The following DIP2C variants were observed in gnomAD, a reference collection of about 807,000 sequenced individuals.
The protein encoded by DIP2C is disco-interacting protein 2 homolog C.
A neutral mutation model predicts 192.4 loss-of-function variants in DIP2C; 33 were observed. The observed-to-expected ratio is 0.17, with a 90% CI of 0.13 to 0.23. The LOEUF is 0.23. Among genes scored for constraint, DIP2C ranks in the 10% least tolerant of loss-of-function variants. The pLI is 1.00. For synonymous variants in DIP2C, 979 were observed against 864.1 expected (o/e 1.13, Z -2.33); for missense variants, 1,537 against 2,110.1 (o/e 0.73, Z 5.32).
rs1959813507 is a variant in DIP2C at position 363,642 on chromosome 10, T to C, written c.2478-331A>G. On this transcript the variant is annotated intron_variant, in intron 20 of 36. Transcript: ENST00000280886. The surrounding 1 kb of genome is among the most constrained non-coding windows in gnomAD (Gnocchi z 5.4). ...GCTGAAATTTAGGGAGTCACACCCT[T>C]CACAGCTCGAGTTTGCACCCGTGAA... Among the ~76,000 whole-genome samples the C allele has an allele frequency of 6.6e-6, 1 of 152,204 alleles. No individual in the cohort carries two copies. The highest frequency in any genetic ancestry group is 2.4e-5 in the African/African-American group (1 of 41,450).
At position 371,489 on chromosome 10, in the gene DIP2C, C is replaced by G. The variant is rs117702703; in HGVS notation, c.1992-1856G>C. 5.2e-3 allele frequency among the ~76,000 whole-genome samples: 786 copies of G among 152,332 alleles called. 3 individuals are homozygous for G. Among genetic ancestry groups the G allele is most frequent in the Middle Eastern group, 0.014 (4 of 294 alleles). ...TTAGAATGGACCCTAAATCCAATTA[C>G]TCTGTCCTTGTAAGAGAAAAGAGAG... On this transcript the variant is annotated intron_variant, in intron 17 of 36. Coordinates refer to ENST00000280886, the MANE Select transcript of DIP2C (RefSeq NM_014974.3).
At chr10:280,626 T>C (rs967139136) in intron 36 of DIP2C, among the ~76,000 whole-genome samples, 6 of 152,218 alleles carry the variant, frequency 3.9e-5, no homozygotes, top group Middle Eastern at 3.2e-3. Context: ...ACAGATTAAA[T>C]GGGCCAGAGA....
At chr10:348,240 GA>G (rs1490826582) in intron 26 of DIP2C, among the ~76,000 whole-genome samples, 1 of 152,238 alleles carries the variant, frequency 6.6e-6, no homozygotes, top group Non-Finnish European at 1.5e-5. Context: ...GTAGACGAAG[GA>G]AAACAGATCT....
At chr10:379,237 C>G (rs565252781) in intron 17 of DIP2C, among the ~76,000 whole-genome samples, 1 of 142,416 alleles carries the variant, frequency 7.0e-6, no homozygotes, top group Non-Finnish European at 1.5e-5. Context: ...GGCTTCTGTA[C>G]GCCCTGCCCC....
chr10:437,488 G>A (rs758416901), intron 4 of DIP2C: 2 of 152,526 alleles, frequency 1.3e-5, no homozygotes, highest in Middle Eastern at 3.4e-3. Context: ...TGAGCTCTCT[G>A]AGCCACGGTC....
chr10:673,964 C>G (rs987554756), intron 1 of DIP2C, among the ~76,000 whole-genome samples: 32 of 152,254 alleles, frequency 2.1e-4, no homozygotes, highest in African/African-American at 7.2e-4. Context: ...TTCTAAAATC[C>G]CAACAGGGAC....
chr10:578,652 A>G (rs1054146875), intron 1 of DIP2C, among the ~76,000 whole-genome samples: 8 of 152,198 alleles, frequency 5.3e-5, no homozygotes, highest in Non-Finnish European at 1.0e-4. Context: ...GTGTTCCGGG[A>G]TCCCTGCAGG....
In DIP2C at chr10:277,192, CTCCTCT is replaced by C; in HGVS notation, c.*127_*132del. On this transcript the variant is annotated 3_prime_UTR_variant, in exon 37 of 37. Coordinates refer to ENST00000280886, the MANE Select transcript of DIP2C (RefSeq NM_014974.3). ...GCTGCTGTGAGAAGTCCTCTTCCTC[CTCCTCT>C]TCCTCCTCCACTCTCACCACAAATG... is the stretch of plus-strand genomic sequence containing the variant. 7.3e-7 allele frequency: 1 copy of C among 1,364,850 alleles called. No individual in the cohort carries two copies. Among genetic ancestry groups the C allele is most frequent in the Non-Finnish European group, 9.9e-7 (1 of 1,008,354 alleles). 84.5% of individuals were successfully genotyped at this position (1,364,850 alleles called of 1,614,324 possible).
chr10:517,594 G>A (rs1212147635), intron 1 of DIP2C, among the ~76,000 whole-genome samples: 1 of 152,204 alleles, frequency 6.6e-6, no homozygotes. Flanking sequence ...AATGTCAGAA[G>A]AAAAGAAGGC....
chr10:469,452 G>A (rs1195260794), intron 3 of DIP2C, among the ~76,000 whole-genome samples: 1 of 151,886 alleles, frequency 6.6e-6, no homozygotes, highest in African/African-American at 2.4e-5. Context: ...GAATAGCTGG[G>A]ATTACAGGCA....
chr10:436,379 G>C (rs575179672), intron 4 of DIP2C, among the ~76,000 whole-genome samples: 6 of 152,356 alleles, frequency 3.9e-5, no homozygotes, highest in Non-Finnish European at 8.8e-5. Flanking sequence ...CCATGGGCAG[G>C]CTTGGATTGA....
chr10:400,571 A>G (rs547817199), intron 9 of DIP2C, among the ~76,000 whole-genome samples: 20 of 152,136 alleles, frequency 1.3e-4, no homozygotes, highest in Middle Eastern at 6.8e-3. Flanking sequence ...TGGTAGCATT[A>G]GCATTACTCT....
At position 422,845 on chromosome 10, in the gene DIP2C, C is replaced by T. The variant is rs888425993; in HGVS notation, c.583G>A (p.Val195Ile). The T allele has an allele frequency of 8.1e-6, 13 of 1,612,122 alleles. No homozygotes were observed. Among genetic ancestry groups the T allele is most frequent in the African/African-American group, 5.3e-5 (4 of 74,912 alleles). The change falls in exon 5 of 37, where the codon GTC (valine) becomes ATC (isoleucine). Residue 195 changes from valine to isoleucine, a missense_variant. Transcript: ENST00000280886. ...GSGAAHRLADVMAQTHIENHS... is the reference protein window; with the variant it reads ...GSGAAHRLADIMAQTHIENHS... ...TCACCTATGTGGGTCTGAGCCATGA[C>T]GTCCGCCAGCCTGTGGGCAGCCCCG...
At chr10:468,578 T>C (rs1467888734) in intron 3 of DIP2C, among the ~76,000 whole-genome samples, 1 of 152,144 alleles carries the variant, frequency 6.6e-6, no homozygotes, top group Non-Finnish European at 1.5e-5. Context: ...CTGACCAACA[T>C]GGAGAAACCC....
intron 10 of DIP2C, among the ~76,000 whole-genome samples, chr10:393,839 A>C (rs2132975851): frequency 6.6e-6 from 1 of 150,710 alleles, no homozygotes; most frequent in South Asian, 2.1e-4. Flanking sequence ...AAAAAAAAAA[A>C]ACAACCCACA....
intron 1 of DIP2C, among the ~76,000 whole-genome samples, chr10:534,526 T>C (rs566641077): frequency 2.0e-5 from 3 of 152,342 alleles, no homozygotes; most frequent in South Asian, 4.1e-4. Context: ...GTTTTGCTGA[T>C]TGACAATATT....
chr10:543,686 G>A (rs1379606849), intron 1 of DIP2C, among the ~76,000 whole-genome samples: 1 of 152,130 alleles, frequency 6.6e-6, no homozygotes, highest in Admixed American at 6.5e-5. Context: ...AACATGTTTT[G>A]GATACAGTCT....
In DIP2C at chr10:298,370, T is replaced by A. The variant is rs575332538; in HGVS notation, c.3987-9949A>T. ...GCTTTAGAGATGAGCGCCCTTCCCATGGCGTCATATCAAAGCCCCCCTGCT... is the reference window on the plus strand; with the variant it reads ...GCTTTAGAGATGAGCGCCCTTCCCAAGGCGTCATATCAAAGCCCCCCTGCT... On this transcript the variant is annotated intron_variant, in intron 32 of 36. Coordinates refer to ENST00000280886, the MANE Select transcript of DIP2C (RefSeq NM_014974.3). Among the ~76,000 whole-genome samples, 111 of 152,324 alleles carry A rather than the reference T, an allele frequency of 7.3e-4. 1 individual carries two copies. The South Asian group carries it at 0.012, about 17-fold the overall frequency.
At chr10:434,099 C>T (rs886608739) in intron 4 of DIP2C, among the ~76,000 whole-genome samples, 1 of 152,094 alleles carries the variant, frequency 6.6e-6, no homozygotes, top group African/African-American at 2.4e-5. Flanking sequence ...ATCCTAAATC[C>T]TAATTGCTCT....
Sources: allele counts gnomAD v4.1 joint callset (sites outside exome capture counted in the v4.1 genomes callset), GRCh38; gene constraint gnomAD v4.1.1; non-coding constraint Gnocchi (gnomAD v3.1); transcripts MANE v1.5; gene names NCBI Gene and HGNC (gene_info 2026-07-23, HGNC 2026-07-21).